The following CNTNAP2 variants were observed in gnomAD, a reference collection of about 807,000 sequenced individuals.
CNTNAP2 encodes contactin-associated protein-like 2.
Under a neutral mutation model 155.2 loss-of-function variants are expected in CNTNAP2, and 98 were observed. The observed-to-expected ratio is 0.63, with a 90% CI of 0.54 to 0.75. The LOEUF is 0.75. Among genes scored for constraint, CNTNAP2 ranks in the 30% least tolerant of loss-of-function variants. The probability of loss-of-function intolerance (pLI) is 0.00; values close to 1 mark genes in which losing one functional copy is unlikely to be tolerated. For synonymous variants in CNTNAP2, 651 were observed against 631.2 expected, an observed-to-expected ratio of 1.03 and a Z score of -0.47; for missense variants, 1,727 against 1,688.1, an observed-to-expected ratio of 1.02 and a Z score of -0.40.
intron 1 of CNTNAP2, among the ~76,000 whole-genome samples, chr7:146,731,675 C>T (rs994228633): frequency 1.3e-5 from 2 of 152,028 alleles, no homozygotes; most frequent in African/African-American, 2.4e-5. Flanking sequence ...TAAGGTCTTT[C>T]AAGAAACTTA....
intron 1 of CNTNAP2, among the ~76,000 whole-genome samples, chr7:146,440,591 T>TA (rs1055527218): frequency 1.3e-5 from 2 of 151,602 alleles, no homozygotes; most frequent in South Asian, 2.1e-4. Context: ...TCTTCATTTT[T>TA]AAAAAAATCA....
intron 21 of CNTNAP2, among the ~76,000 whole-genome samples, chr7:148,322,808 T>G (rs1313552290): frequency 6.6e-6 from 1 of 150,908 alleles, no homozygotes; most frequent in Non-Finnish European, 1.5e-5. Flanking sequence ...TTTTTTTTTT[T>G]TTTCAAATTT....
intron 21 of CNTNAP2, among the ~76,000 whole-genome samples, chr7:148,339,913 G>A (rs1798198478): frequency 6.6e-6 from 1 of 151,804 alleles, no homozygotes; most frequent in Admixed American, 6.6e-5. Context: ...TACTCCACAG[G>A]GTCACTGCAC....
rs145589974 is a variant in CNTNAP2 at position 146,652,159 on chromosome 7, C to T, written c.98-122112C>T. 6.4e-3 allele frequency among the ~76,000 whole-genome samples: 976 copies of T among 152,144 alleles called. 10 individuals carry two copies. The highest frequency in any genetic ancestry group is 0.022 in the African/African-American group (913 of 41,534). On this transcript the variant is annotated intron_variant, in intron 1 of 23. Coordinates refer to ENST00000361727, the MANE Select transcript of CNTNAP2 (RefSeq NM_014141.6). Reference sequence around the variant, plus strand: ...AATTCAGTTATTAAAAAATTAACCCCATTTTAAAGCCACTTGCATTTATTA... The same window carrying T: ...AATTCAGTTATTAAAAAATTAACCCTATTTTAAAGCCACTTGCATTTATTA...
chr7:147,817,694 G>A (rs1490406958), intron 13 of CNTNAP2, among the ~76,000 whole-genome samples: 1 of 151,984 alleles, frequency 6.6e-6, no homozygotes, highest in Non-Finnish European at 1.5e-5. Context: ...ACAAGGTCAG[G>A]AGATCGAGAC....
chr7:147,972,212 G>C (rs1180754022), intron 14 of CNTNAP2, among the ~76,000 whole-genome samples: 1 of 152,156 alleles, frequency 6.6e-6, no homozygotes, highest in Non-Finnish European at 1.5e-5. Context: ...GAAATTTCTA[G>C]TTTGGGTGAT....
intron 3 of CNTNAP2, among the ~76,000 whole-genome samples, chr7:146,982,226 A>G (rs1798031409): frequency 6.6e-6 from 1 of 152,166 alleles, no homozygotes; most frequent in South Asian, 2.1e-4. Context: ...TTTTACCCAA[A>G]GCTGTGTAAA....
At chr7:147,730,137 A>G (rs1032200834) in intron 13 of CNTNAP2, among the ~76,000 whole-genome samples, 3 of 152,134 alleles carry the variant, frequency 2.0e-5, no homozygotes, top group Non-Finnish European at 4.4e-5. Context: ...CAATCTGTCC[A>G]CAGAAGATCT....
At chr7:148,249,409 G>T (rs564111859) in intron 20 of CNTNAP2, among the ~76,000 whole-genome samples, 1 of 152,064 alleles carries the variant, frequency 6.6e-6, no homozygotes, top group Non-Finnish European at 1.5e-5. Flanking sequence ...ACCTCCTTCA[G>T]TGGGCGTGCT....
chr7:146,815,315 TTA>T (rs1162620758), intron 2 of CNTNAP2, among the ~76,000 whole-genome samples: 1 of 152,156 alleles, frequency 6.6e-6, no homozygotes, highest in Non-Finnish European at 1.5e-5. Flanking sequence ...AAATATTAGC[TTA>T]TATGTATGAT....
intron 1 of CNTNAP2, among the ~76,000 whole-genome samples, chr7:146,547,639 T>C (rs902329384): frequency 6.6e-6 from 1 of 151,992 alleles, no homozygotes; most frequent in Admixed American, 6.6e-5. Context: ...TTCATCCACA[T>C]TGCATATTGC....
At chr7:147,757,923 A>G (rs1797236645) in intron 13 of CNTNAP2, among the ~76,000 whole-genome samples, 1 of 152,212 alleles carries the variant, frequency 6.6e-6, no homozygotes. Flanking sequence ...TGAAGTACAT[A>G]CGTAGCACTT....
rs1563059113 is a variant in CNTNAP2 at position 148,365,736 on chromosome 7, GTGTATA to G, written c.3476-17912_3476-17907del. Among the ~76,000 whole-genome samples, 62 of 80,136 alleles carry G rather than the reference GTGTATA, an allele frequency of 7.7e-4. 12 individuals carry two copies. In the East Asian group the frequency reaches 0.013, roughly 16 times the overall value. The allele number at this position is 80,136 out of a possible 152,430, so 52.6% of individuals were successfully genotyped here. A position where few individuals can be genotyped will look rare whatever the true frequency, so the allele number is the denominator to read the frequency against. On this transcript the variant is annotated intron_variant, in intron 21 of 23. Transcript: ENST00000361727. ...TATATGTATACGTGTATATATGTAT[GTGTATA>G]CATGTATACATGTATGTGTATACGT...
intron 9 of CNTNAP2, among the ~76,000 whole-genome samples, chr7:147,312,417 C>T (rs1025084871): frequency 4.4e-5 from 6 of 136,382 alleles, no homozygotes; most frequent in Non-Finnish European, 9.2e-5. Context: ...CCCCCTCCCC[C>T]GACCCCACAA....
chr7:147,267,239 T>C (rs187423628), intron 8 of CNTNAP2, among the ~76,000 whole-genome samples: 1 of 152,350 alleles, frequency 6.6e-6, no homozygotes, highest in East Asian at 1.9e-4. Flanking sequence ...TGATTCTTTT[T>C]ACATCTATCT....
intron 1 of CNTNAP2, among the ~76,000 whole-genome samples, chr7:146,249,899 A>G (rs1171161062): frequency 6.7e-6 from 1 of 149,926 alleles, no homozygotes; most frequent in Non-Finnish European, 1.5e-5. Context: ...AAAAGAAAAA[A>G]AGAAATTTAA....
At chr7:147,507,865 A>G (rs565839448) in intron 11 of CNTNAP2, among the ~76,000 whole-genome samples, 92 of 151,906 alleles carry the variant, frequency 6.1e-4, no homozygotes, top group African/African-American at 2.2e-3. Flanking sequence ...TCTCTTTCTT[A>G]TAGTGGTTTT....
intron 8 of CNTNAP2, among the ~76,000 whole-genome samples, chr7:147,147,076 G>T (rs1393233150): frequency 6.6e-6 from 1 of 152,128 alleles, no homozygotes; most frequent in East Asian, 1.9e-4. Flanking sequence ...GACTGGGGAG[G>T]CCTCGGGAAA....
intron 12 of CNTNAP2, among the ~76,000 whole-genome samples, chr7:147,586,931 C>A (rs1301589408): frequency 6.6e-6 from 1 of 152,154 alleles, no homozygotes; most frequent in African/African-American, 2.4e-5. Context: ...TTACCCTTTC[C>A]AGCCACTGTC....
Sources: gnomAD v4.1 joint callset for allele counts (sites outside exome capture counted in the v4.1 genomes callset) on GRCh38, gnomAD v4.1.1 for gene constraint, MANE v1.5 for transcripts, NCBI Gene and HGNC (gene_info 2026-07-23, HGNC 2026-07-21) for gene names.